Variants in ALKBH8 observed in about 807,000 individuals in gnomAD.
The protein encoded by ALKBH8 is tRNA (carboxymethyluridine(34)-5-O)-methyltransferase ALKBH8.
ALKBH8 carries 36 observed loss-of-function variants against 59.8 expected under a neutral mutation model. That is an observed-to-expected ratio of 0.60 (90% CI 0.46 to 0.79). The LOEUF (loss-of-function observed/expected upper bound fraction) is 0.79. ALKBH8 is among the 30% of genes least tolerant of loss of function. The pLI, the probability that ALKBH8 is intolerant of heterozygous loss-of-function variation, is 0.00. For synonymous variants in ALKBH8, 276 were observed against 273.6 expected (o/e 1.01, Z -0.09); for missense variants, 768 against 801.0 (o/e 0.96, Z 0.50).
At chr11:107,562,143 C>T (rs1864960930) in intron 1 of ALKBH8, among the ~76,000 whole-genome samples, 1 of 151,810 alleles carries the variant, frequency 6.6e-6, no homozygotes, top group South Asian at 2.1e-4. Flanking sequence ...ACTAAAAGTA[C>T]AAAAAATTAG....
At chr11:107,563,744 G>A (rs952618710) in intron 1 of ALKBH8, 2 of 152,212 alleles carry the variant, frequency 1.3e-5, no homozygotes, top group South Asian at 2.1e-4. Flanking sequence ...ACACTGCAAA[G>A]AAGGAATGAG....
Position 107,504,626 on chromosome 11 carries a change from C to T in ALKBH8, c.*32G>A, listed in dbSNP as rs990592801. On this transcript the variant is annotated 3_prime_UTR_variant, in exon 12 of 12. Transcript: ENST00000428149. ...TCTCTTTTTTTTTAAGTGAGCATTT[C>T]TTCTTTATATATGATGTGTTCAGGT... 4 of 1,532,716 alleles carry T rather than the reference C, an allele frequency of 2.6e-6. No individual in the cohort carries two copies. Among genetic ancestry groups the T allele is most frequent in the Non-Finnish European group, 3.5e-6 (4 of 1,138,126 alleles). 94.9% of individuals were successfully genotyped at this position (1,532,716 alleles called of 1,614,324 possible). A position where few individuals can be genotyped will look rare whatever the true frequency, so the allele number is the denominator to read the frequency against.
At chr11:107,534,757 C>CT (rs35760148) in intron 7 of ALKBH8, among the ~76,000 whole-genome samples, 41,778 of 147,828 alleles carry the variant, frequency 0.28, 6,185 homozygotes, top group East Asian at 0.48. Context: ...CATTCCTCAT[C>CT]TTTTTTTTTT....
intron 10 of ALKBH8, among the ~76,000 whole-genome samples, chr11:107,513,877 T>C (rs575653325): frequency 8.6e-5 from 13 of 152,034 alleles, no homozygotes; most frequent in Non-Finnish European, 1.6e-4. Flanking sequence ...CAAGAGACAC[T>C]GGGGCCTGCT....
intron 7 of ALKBH8, among the ~76,000 whole-genome samples, chr11:107,533,716 G>A (rs530362586): frequency 1.8e-4 from 28 of 152,296 alleles, no homozygotes; most frequent in African/African-American, 6.3e-4. Flanking sequence ...AACAGATAAA[G>A]GGATGAGAAG....
chr11:107,551,083 T>G (rs1197409436), intron 6 of ALKBH8, among the ~76,000 whole-genome samples: 1 of 152,230 alleles, frequency 6.6e-6, no homozygotes, highest in Non-Finnish European at 1.5e-5. Flanking sequence ...AATGTCATCC[T>G]GCAATTGTCT....
Position 107,504,564 on chromosome 11 carries a change from A to G in ALKBH8, c.*94T>C. ...AGCTTTCCTTTGGTACTTTCCCACA[A>G]GTTTTCTCTTTAATTAAAAGGGTAA... On this transcript the variant is annotated 3_prime_UTR_variant, in exon 12 of 12. Coordinates refer to ENST00000428149, the MANE Select transcript of ALKBH8 (RefSeq NM_138775.3). 2 of 1,471,206 alleles carry G rather than the reference A, an allele frequency of 1.4e-6. No individual in the cohort carries two copies. Among genetic ancestry groups the G allele is most frequent in the East Asian group, 2.5e-5 (1 of 40,518 alleles). 91.1% of individuals were successfully genotyped at this position (1,471,206 alleles called of 1,614,324 possible).
At chr11:107,511,160 AC>A in intron 10 of ALKBH8, 124 bp from the exon 11 acceptor site, 1 of 967,212 alleles carries the variant, frequency 1.0e-6, no homozygotes, top group Non-Finnish European at 1.5e-6. Flanking sequence ...ATGGTCTGAG[AC>A]CATGATACTA....
At chr11:107,507,659 ATGTT>A (rs1291202989) in intron 11 of ALKBH8, among the ~76,000 whole-genome samples, 1 of 152,176 alleles carries the variant, frequency 6.6e-6, no homozygotes, top group African/African-American at 2.4e-5. Flanking sequence ...ATCACTAAAA[ATGTT>A]TGTTCAAGGT....
At chr11:107,552,381 A>C (rs1267101673) in intron 5 of ALKBH8, among the ~76,000 whole-genome samples, 1 of 152,162 alleles carries the variant, frequency 6.6e-6, no homozygotes, top group South Asian at 2.1e-4. Context: ...AAGTCATTAA[A>C]AAAATAGATA....
Position 107,553,182 on chromosome 11 carries a change from C to T in ALKBH8, c.521G>A (p.Arg174Lys). Residue 174 changes from arginine (R) to lysine (K), a missense_variant, in exon 5 of 12, where the codon AGA becomes AAA. By Grantham distance (26) the Arg-to-Lys change is conservative. Transcript: ENST00000428149. Reference protein sequence around the residue: ...NQNSQKSLKHRRVKHFGYEFH... With the variant: ...NQNSQKSLKHKRVKHFGYEFH... ...CTCATAACCAAAATGCTTTACTCTT[C>T]TGTGTTTTAAGGATTTTTGAGCTGT... The T allele has an allele frequency of 6.2e-7, 1 of 1,607,906 alleles. No homozygotes were observed. The highest frequency in any genetic ancestry group is 8.5e-7 in the Non-Finnish European group (1 of 1,177,286).
intron 3 of ALKBH8, among the ~76,000 whole-genome samples, chr11:107,554,705 A>C (rs1288729566): frequency 6.6e-6 from 1 of 152,220 alleles, no homozygotes; most frequent in Non-Finnish European, 1.5e-5. Flanking sequence ...TATTTACTAG[A>C]TTCTATTAAT....
chr11:107,545,387 T>C (rs1864207444), intron 7 of ALKBH8, among the ~76,000 whole-genome samples: 1 of 152,116 alleles, frequency 6.6e-6, no homozygotes, highest in African/African-American at 2.4e-5. Flanking sequence ...AAAAAACCCA[T>C]TCAGCTAGGT....
intron 7 of ALKBH8, among the ~76,000 whole-genome samples, chr11:107,538,366 C>T (rs187539000): frequency 4.6e-5 from 7 of 152,072 alleles, no homozygotes; most frequent in African/African-American, 4.8e-5. Context: ...TAACTAAATG[C>T]TTGTTAAAAG....
intron 6 of ALKBH8, 118 bp downstream of exon 6, chr11:107,551,690 A>G: frequency 3.0e-6 from 1 of 331,232 alleles, no homozygotes; most frequent in South Asian, 7.5e-5. Flanking sequence ...GCGAAACTCC[A>G]TCTCAAAAAA....
At chr11:107,542,451 C>T (rs1474536812) in intron 7 of ALKBH8, among the ~76,000 whole-genome samples, 5 of 152,082 alleles carry the variant, frequency 3.3e-5, no homozygotes, top group Non-Finnish European at 7.4e-5. Context: ...TGGATATGTT[C>T]ATTATCTTGA....
chr11:107,534,994 G>C (rs1286033221), intron 7 of ALKBH8, among the ~76,000 whole-genome samples: 1 of 152,182 alleles, frequency 6.6e-6, no homozygotes, highest in African/African-American at 2.4e-5. Context: ...TTATGAGTGA[G>C]AACATACAAT....
At chr11:107,545,742 G>C (rs994381876) in intron 7 of ALKBH8, among the ~76,000 whole-genome samples, 1 of 152,134 alleles carries the variant, frequency 6.6e-6, no homozygotes, top group Non-Finnish European at 1.5e-5. Context: ...GTCTTTCAGT[G>C]AATGTTGATT....
At chr11:107,537,348 T>C (rs904394373) in intron 7 of ALKBH8, among the ~76,000 whole-genome samples, 2 of 152,184 alleles carry the variant, frequency 1.3e-5, no homozygotes, top group Admixed American at 6.5e-5. Context: ...ATGTGGTACA[T>C]ATACACCATG....
Sources: gnomAD v4.1 joint callset for allele counts (sites outside exome capture counted in the v4.1 genomes callset) on GRCh38, gnomAD v4.1.1 for gene constraint, MANE v1.5 for transcripts, NCBI Gene and HGNC (gene_info 2026-07-23, HGNC 2026-07-21) for gene names.